Variants in NELL1 observed in about 807,000 individuals in gnomAD.
The protein encoded by NELL1 is protein kinase C-binding protein NELL1.
Under a neutral mutation model 107.4 loss-of-function variants are expected in NELL1, and 76 were observed. That is an observed-to-expected ratio of 0.71 (90% CI 0.59 to 0.86). NELL1 has a LOEUF of 0.86. NELL1 is among the 40% of genes least tolerant of loss of function. The probability of loss-of-function intolerance (pLI) is 0.00; values close to 1 mark genes in which losing one functional copy is unlikely to be tolerated. For missense variants in NELL1, 1,024 were observed against 1,005.5 expected, an observed-to-expected ratio of 1.02 and a Z score of -0.25; for synonymous variants, 353 against 341.2, an observed-to-expected ratio of 1.03 and a Z score of -0.38.
intron 2 of NELL1, among the ~76,000 whole-genome samples, chr11:20,697,641 C>A (rs1021170782): frequency 1.3e-5 from 2 of 152,018 alleles, no homozygotes. Context: ...GCCTCAACTA[C>A]GTTACAGTTC....
chr11:20,799,832 A>C (rs1412369974), intron 3 of NELL1, among the ~76,000 whole-genome samples: 1 of 152,198 alleles, frequency 6.6e-6, no homozygotes, highest in Admixed American at 6.5e-5. Flanking sequence ...TCCAATAGGT[A>C]GTTTTTTTAG....
chr11:20,847,047 C>G (rs191619181), intron 3 of NELL1, among the ~76,000 whole-genome samples: 5 of 152,152 alleles, frequency 3.3e-5, no homozygotes, highest in African/African-American at 1.2e-4. Flanking sequence ...TAGCTTCAAC[C>G]TTTTCTCCCC....
At chr11:20,961,772 A>C (rs779837733) in intron 12 of NELL1, among the ~76,000 whole-genome samples, 1 of 152,092 alleles carries the variant, frequency 6.6e-6, no homozygotes. Flanking sequence ...GATTCTGCAG[A>C]GCCTACTTTG....
At chr11:21,258,408 A>G (rs188475600) in intron 14 of NELL1, among the ~76,000 whole-genome samples, 1 of 152,038 alleles carries the variant, frequency 6.6e-6, no homozygotes, top group Non-Finnish European at 1.5e-5. Flanking sequence ...AATAGAATGT[A>G]TATAAAATCA....
At chr11:20,716,577 A>C (rs553976519) in intron 2 of NELL1, among the ~76,000 whole-genome samples, 1 of 152,328 alleles carries the variant, frequency 6.6e-6, no homozygotes, top group South Asian at 2.1e-4. Flanking sequence ...GTATGTGTGC[A>C]TGCTTACATA....
chr11:21,135,108 G>A, intron 13 of NELL1, among the ~76,000 whole-genome samples: 1 of 152,044 alleles, frequency 6.6e-6, no homozygotes, highest in East Asian at 1.9e-4. Flanking sequence ...CTTAAAAGTG[G>A]GGAAAAGCAC....
At chr11:20,699,281 C>T (rs188686776) in intron 2 of NELL1, among the ~76,000 whole-genome samples, 87 of 152,230 alleles carry the variant, frequency 5.7e-4, no homozygotes, top group Non-Finnish European at 1.0e-3. Context: ...ATCCATGTTG[C>T]TGTGAATGCC....
At chr11:20,945,927 G>A (rs899094323) in intron 10 of NELL1, among the ~76,000 whole-genome samples, 4 of 152,084 alleles carry the variant, frequency 2.6e-5, no homozygotes, top group Non-Finnish European at 5.9e-5. Flanking sequence ...GAGTTACCTT[G>A]GGAAAGATTG....
intron 4 of NELL1, among the ~76,000 whole-genome samples, chr11:20,861,707 A>G (rs1475701213): frequency 6.6e-6 from 1 of 152,142 alleles, no homozygotes; most frequent in African/African-American, 2.4e-5. Context: ...GCTGAAATGG[A>G]GCTAGTGCTG....
intron 10 of NELL1, among the ~76,000 whole-genome samples, chr11:20,940,701 C>T (rs1427746330): frequency 6.6e-6 from 1 of 152,142 alleles, no homozygotes; most frequent in East Asian, 1.9e-4. Flanking sequence ...ATTCTAAAGG[C>T]TATAGAGGCC....
intron 12 of NELL1, among the ~76,000 whole-genome samples, chr11:21,054,754 C>A (rs1256945859): frequency 6.6e-6 from 1 of 151,794 alleles, no homozygotes; most frequent in African/African-American, 2.4e-5. Flanking sequence ...AATTGATGTC[C>A]TTTGCTCATT....
intron 13 of NELL1, among the ~76,000 whole-genome samples, chr11:21,220,535 C>G (rs1305406577): frequency 6.6e-6 from 1 of 151,692 alleles, no homozygotes. Flanking sequence ...TTTGTGTGTC[C>G]TCTTTAGTTT....
intron 12 of NELL1, among the ~76,000 whole-genome samples, chr11:21,027,668 T>C (rs1265700657): frequency 6.6e-6 from 1 of 152,190 alleles, no homozygotes; most frequent in Non-Finnish European, 1.5e-5. Flanking sequence ...CCTCTTAGGT[T>C]CTGGGATTCT....
At chr11:21,232,159 A>AAAAAATATATATAT (rs1554985116) in intron 14 of NELL1, among the ~76,000 whole-genome samples, 1 of 73,208 alleles carries the variant, frequency 1.4e-5, no homozygotes, top group Non-Finnish European at 2.8e-5. Context: ...AAAAAAAAAA[A>AAAAAATATATATAT]ATATATATAT....
chr11:21,137,638 G>A (rs1160244929), intron 13 of NELL1, among the ~76,000 whole-genome samples: 1 of 152,204 alleles, frequency 6.6e-6, no homozygotes, highest in Non-Finnish European at 1.5e-5. Context: ...GTCCTCCTCA[G>A]GCCAACTGTT....
At chr11:21,097,976 CAA>C (rs201740361) in intron 12 of NELL1, among the ~76,000 whole-genome samples, 53 of 126,226 alleles carry the variant, frequency 4.2e-4, no homozygotes, top group Admixed American at 4.1e-4. Context: ...CTCCCAACTC[CAA>C]AAAAAAAAAA....
intron 2 of NELL1, among the ~76,000 whole-genome samples, chr11:20,715,763 G>A (rs1855235171): frequency 6.6e-6 from 1 of 152,206 alleles, no homozygotes; most frequent in Admixed American, 6.5e-5. Flanking sequence ...CTAGAGTTGA[G>A]TATCTGGTAG....
intron 3 of NELL1, among the ~76,000 whole-genome samples, chr11:20,815,070 T>G (rs934823714): frequency 2.6e-5 from 4 of 152,120 alleles, no homozygotes; most frequent in Non-Finnish European, 5.9e-5. Context: ...TTTGTTTGTT[T>G]GTTTTTTTGT....
chr11:21,039,616 C>T (rs567118419), intron 12 of NELL1, among the ~76,000 whole-genome samples: 2 of 152,300 alleles, frequency 1.3e-5, no homozygotes, highest in East Asian at 1.9e-4. Flanking sequence ...GGGGAAGATG[C>T]GTACCAAGGT....
Sources: allele counts gnomAD v4.1 joint callset (sites outside exome capture counted in the v4.1 genomes callset), GRCh38; gene constraint gnomAD v4.1.1; transcripts MANE v1.5; gene names NCBI Gene and HGNC (gene_info 2026-07-23, HGNC 2026-07-21).